The following GRIK1 variants were observed in gnomAD, a reference collection of about 807,000 sequenced individuals.
The protein encoded by GRIK1 is glutamate ionotropic receptor kainate type subunit 1, also known as glutamate receptor ionotropic, kainate 1.
In GRIK1, 69 loss-of-function variants were observed where a neutral mutation model predicts 105.7. That is an observed-to-expected ratio of 0.65 (90% CI 0.54 to 0.80). The LOEUF is 0.80. Among genes scored for constraint, GRIK1 ranks in the 30% least tolerant of loss-of-function variants. GRIK1 has a pLI of 0.00. For synonymous variants in GRIK1, 438 were observed against 431.3 expected (o/e 1.02, Z -0.19); for missense variants, 1,109 against 1,167.3 (o/e 0.95, Z 0.73).
At chr21:29,777,867 G>C (rs2065990499) in intron 1 of GRIK1, among the ~76,000 whole-genome samples, 1 of 152,124 alleles carries the variant, frequency 6.6e-6, no homozygotes, top group Non-Finnish European at 1.5e-5. Context: ...AGTGGCAATG[G>C]GTCAAGTGAG....
chr21:29,835,849 T>A (rs1025254406), intron 1 of GRIK1, among the ~76,000 whole-genome samples: 2 of 152,234 alleles, frequency 1.3e-5, no homozygotes, highest in South Asian at 2.1e-4. Flanking sequence ...AGTCCAGAGC[T>A]AGCAATTGCT....
At chr21:29,877,731 A>G (rs867315306) in intron 1 of GRIK1, among the ~76,000 whole-genome samples, 7 of 152,162 alleles carry the variant, frequency 4.6e-5, no homozygotes, top group Non-Finnish European at 8.8e-5. Flanking sequence ...ATCTAACTTA[A>G]AGCTTTTTAT....
chr21:29,615,731 A>G (rs1364140310), intron 7 of GRIK1, among the ~76,000 whole-genome samples: 1 of 152,244 alleles, frequency 6.6e-6, no homozygotes, highest in African/African-American at 2.4e-5. Context: ...CAAAAATGAT[A>G]TACTTTAATC....
chr21:29,816,826 T>C (rs776307166), intron 1 of GRIK1, among the ~76,000 whole-genome samples: 9 of 152,062 alleles, frequency 5.9e-5, no homozygotes, highest in Admixed American at 1.3e-4. Flanking sequence ...GATTAATGGG[T>C]ACAAACATAC....
intron 1 of GRIK1, among the ~76,000 whole-genome samples, chr21:29,705,476 A>T (rs2063887300): frequency 6.6e-6 from 1 of 152,236 alleles, no homozygotes. Flanking sequence ...TGTAACCGTG[A>T]CATGCAGTGG....
At chr21:29,541,529 A>G (rs1221557872) in intron 16 of GRIK1, among the ~76,000 whole-genome samples, 1 of 146,248 alleles carries the variant, frequency 6.8e-6, no homozygotes, top group African/African-American at 2.6e-5. Flanking sequence ...AGTTTTATAT[A>G]CCATAGTATA....
chr21:29,677,887 T>C (rs1010021876), intron 3 of GRIK1, among the ~76,000 whole-genome samples: 3 of 152,208 alleles, frequency 2.0e-5, no homozygotes, highest in Non-Finnish European at 4.4e-5. Flanking sequence ...GAGTCCCCTC[T>C]ACACAGCCAC....
At chr21:29,570,814 A>G (rs1042965546) in intron 14 of GRIK1, among the ~76,000 whole-genome samples, 9 of 148,046 alleles carry the variant, frequency 6.1e-5, no homozygotes, top group Admixed American at 5.5e-4. Context: ...AATAAGCATC[A>G]TTAGCTGAGT....
chr21:29,894,677 G>A lies in GRIK1; in HGVS notation c.118+44706C>T, dbSNP rs139453590. Among the ~76,000 whole-genome samples the A allele has an allele frequency of 3.0e-4, 45 of 152,176 alleles. No individual in the cohort carries two copies. The East Asian group carries it at 6.2e-3, about 21-fold the overall frequency. The stretch of plus-strand genomic sequence containing the variant: ...TGACATTCAGTATCAACCATCACAG[G>A]CCTTATAAACACACTGCTCAACTAT... On this transcript the variant is annotated intron_variant, in intron 1 of 17. Coordinates refer to ENST00000327783, the MANE Select transcript of GRIK1 (RefSeq NM_001330994.2).
chr21:29,923,387 T>C (rs1444427965), intron 1 of GRIK1, among the ~76,000 whole-genome samples: 1 of 152,212 alleles, frequency 6.6e-6, no homozygotes, highest in Non-Finnish European at 1.5e-5. Flanking sequence ...AACATTGTAA[T>C]AATAAACATG....
Position 29,560,290 on chromosome 21 carries a change from T to TCTTTCTTTC in GRIK1, c.2356+1325_2356+1333dup, listed in dbSNP as rs1568812226. On this transcript the variant is annotated intron_variant, in intron 15 of 17. Transcript: ENST00000327783. Reference sequence around the variant, plus strand: ...CTTATATGATACAGTTTTCTTTCTTTCTTTCTTTCTTTCTTTCTTTCTTTC... The same window carrying TCTTTCTTTC: ...CTTATATGATACAGTTTTCTTTCTTTCTTTCTTTCCTTTCTTTCTTTCTTTCTTTCTTTC... 1.3e-4 allele frequency among the ~76,000 whole-genome samples: 10 copies of TCTTTCTTTC among 77,132 alleles called. 1 individual carries two copies. The highest frequency in any genetic ancestry group is 6.0e-4 in the African/African-American group (10 of 16,762). 50.6% of individuals were successfully genotyped at this position (77,132 alleles called of 152,430 possible). A position where few individuals can be genotyped will look rare whatever the true frequency, so the allele number is the denominator to read the frequency against.
At chr21:29,887,854 A>G (rs2069692955) in intron 1 of GRIK1, among the ~76,000 whole-genome samples, 2 of 152,080 alleles carry the variant, frequency 1.3e-5, no homozygotes, top group East Asian at 1.9e-4. Context: ...GCTGTACACT[A>G]TGGCCAATCC....
intron 15 of GRIK1, among the ~76,000 whole-genome samples, chr21:29,560,372 C>T (rs868151399): frequency 0.023 from 704 of 31,220 alleles, 6 homozygotes; most frequent in Middle Eastern, 0.04. Flanking sequence ...TTTCTTCCTT[C>T]CTTCCTTCCT....
At chr21:29,604,502 T>C (rs760637278) in intron 7 of GRIK1, among the ~76,000 whole-genome samples, 3 of 152,212 alleles carry the variant, frequency 2.0e-5, no homozygotes, top group Non-Finnish European at 4.4e-5. Flanking sequence ...GAATATGCAA[T>C]GACTAATTCC....
intron 1 of GRIK1, among the ~76,000 whole-genome samples, chr21:29,845,895 C>A (rs775240344): frequency 1.3e-5 from 2 of 152,112 alleles, no homozygotes; most frequent in Non-Finnish European, 2.9e-5. Context: ...TGAAAACCCT[C>A]TCACTCACCC....
intron 1 of GRIK1, among the ~76,000 whole-genome samples, chr21:29,758,383 ATGG>A (rs771716684): frequency 6.6e-6 from 1 of 152,218 alleles, no homozygotes; most frequent in African/African-American, 2.4e-5. Context: ...CACGTCTTCC[ATGG>A]TGGTGGGTAA....
At chr21:29,787,659 A>C (rs902835281) in intron 1 of GRIK1, among the ~76,000 whole-genome samples, 1 of 152,190 alleles carries the variant, frequency 6.6e-6, no homozygotes, top group Non-Finnish European at 1.5e-5. Flanking sequence ...TGGATTTTCC[A>C]ACGAACAGTA....
At position 29,651,265 on chromosome 21, in the gene GRIK1, G is replaced by A. The variant is rs1440047302; in HGVS notation, c.807C>T (p.Leu269=). 1 of 1,613,086 alleles carries A rather than the reference G, an allele frequency of 6.2e-7. No homozygotes were observed. The highest frequency in any genetic ancestry group is 1.1e-5 in the South Asian group (1 of 90,964). ...TLDLFALDLE[L]YRYSGVNMTG... is the part of the protein sequence containing the mutation. Reference sequence around the variant, plus strand: ...TCATGTTTACGCCACTGTACCTATAGAGTTCCAGATCCAAAGCAAATAAGT... The same window carrying A: ...TCATGTTTACGCCACTGTACCTATAAAGTTCCAGATCCAAAGCAAATAAGT... The change falls in exon 6 of 18, where the codon CTC becomes CTT. Residue 269 remains leucine (L), a synonymous_variant. Transcript: ENST00000327783.
intron 1 of GRIK1, among the ~76,000 whole-genome samples, chr21:29,732,221 T>A (rs1402143532): frequency 6.6e-6 from 1 of 152,158 alleles, no homozygotes; most frequent in African/African-American, 2.4e-5. Context: ...CTCTTCCAGA[T>A]GTGAAGAATC....
Sources: allele counts gnomAD v4.1 joint callset (sites outside exome capture counted in the v4.1 genomes callset), GRCh38; gene constraint gnomAD v4.1.1; transcripts MANE v1.5; gene names NCBI Gene and HGNC (gene_info 2026-07-23, HGNC 2026-07-21).